DCC: variants seen among roughly 807,000 people sequenced by gnomAD.
DCC encodes DCC netrin 1 receptor.
DCC carries 58 observed loss-of-function variants against 172.5 expected under a neutral mutation model. That is an observed-to-expected ratio of 0.34 (90% CI 0.27 to 0.42). The LOEUF is 0.42. Among genes scored for constraint, DCC ranks in the 10% least tolerant of loss-of-function variants. DCC has a pLI of 1.00. For synonymous variants in DCC, 709 were observed against 644.5 expected (o/e 1.10, Z -1.52); for missense variants, 1,740 against 1,791.0 (o/e 0.97, Z 0.51).
At chr18:52,531,802 G>A (rs1320450298) in intron 1 of DCC, among the ~76,000 whole-genome samples, 3 of 151,920 alleles carry the variant, frequency 2.0e-5, no homozygotes, top group South Asian at 2.1e-4. Context: ...TACTTTCTCC[G>A]AGGCTGAATA....
At chr18:53,505,787 C>T (rs562875230) in intron 27 of DCC, among the ~76,000 whole-genome samples, 4 of 152,140 alleles carry the variant, frequency 2.6e-5, no homozygotes, top group African/African-American at 9.6e-5. Flanking sequence ...AGTGGGTGGC[C>T]GCATGAGTGA....
chr18:52,981,851 TAAAC>T (rs1598995927), intron 5 of DCC, among the ~76,000 whole-genome samples: 1 of 152,044 alleles, frequency 6.6e-6, no homozygotes, highest in African/African-American at 2.4e-5. Flanking sequence ...TAATGAAAAA[TAAAC>T]AGTTATAGAT....
At chr18:52,932,052 G>T (rs1476485406) in intron 5 of DCC, 2 of 152,118 alleles carry the variant, frequency 1.3e-5, no homozygotes, top group African/African-American at 4.8e-5. Context: ...AAGAGGCAGG[G>T]GTGGGAGGAG....
At chr18:53,319,836 A>T (rs745809149) in intron 13 of DCC, among the ~76,000 whole-genome samples, 2 of 149,382 alleles carry the variant, frequency 1.3e-5, no homozygotes, top group Non-Finnish European at 3.0e-5. Flanking sequence ...TTACGGCAAT[A>T]TCTCTTAGTT....
chr18:52,394,948 G>A (rs1283365502), intron 1 of DCC, among the ~76,000 whole-genome samples: 1 of 152,094 alleles, frequency 6.6e-6, no homozygotes, highest in Non-Finnish European at 1.5e-5. Flanking sequence ...CTTTGAGAAA[G>A]AGACTATTTC....
At chr18:52,398,754 C>T (rs1986327409) in intron 1 of DCC, among the ~76,000 whole-genome samples, 1 of 151,900 alleles carries the variant, frequency 6.6e-6, no homozygotes. Context: ...CCATATAAGT[C>T]TGTTTTTCCA....
chr18:52,750,837 C>T (rs1036597542), intron 1 of DCC, among the ~76,000 whole-genome samples: 6 of 151,686 alleles, frequency 4.0e-5, no homozygotes, highest in African/African-American at 9.7e-5. Flanking sequence ...CAAAGTACAA[C>T]GAAAAGTGTT....
chr18:52,963,901 T>C (rs2040886523), intron 5 of DCC, among the ~76,000 whole-genome samples: 1 of 152,006 alleles, frequency 6.6e-6, no homozygotes, highest in Non-Finnish European at 1.5e-5. Flanking sequence ...TAAGAATTGG[T>C]AAGTTCACAA....
intron 2 of DCC, among the ~76,000 whole-genome samples, chr18:52,752,872 C>G (rs1283409482): frequency 2.6e-5 from 4 of 152,160 alleles, no homozygotes; most frequent in Non-Finnish European, 5.9e-5. Context: ...CAGTGCCTGG[C>G]ATGTTTCCCT....
At chr18:53,495,259 G>T (rs1251395899) in intron 26 of DCC, among the ~76,000 whole-genome samples, 1 of 151,944 alleles carries the variant, frequency 6.6e-6, no homozygotes, top group Non-Finnish European at 1.5e-5. Flanking sequence ...GAGCATGGTG[G>T]TGGGCACCTG....
At chr18:52,447,483 G>A (rs1393492791) in intron 1 of DCC, among the ~76,000 whole-genome samples, 1 of 152,190 alleles carries the variant, frequency 6.6e-6, no homozygotes, top group Non-Finnish European at 1.5e-5. Flanking sequence ...CTTGGTGACT[G>A]GAACAGGCTT....
chr18:52,577,492 T>A (rs1291251404), intron 1 of DCC, among the ~76,000 whole-genome samples: 1 of 152,168 alleles, frequency 6.6e-6, no homozygotes, highest in Non-Finnish European at 1.5e-5. Context: ...TCAAGCAGAA[T>A]CCCAAAGTTG....
chr18:52,622,910 C>T (rs967676073), intron 1 of DCC, among the ~76,000 whole-genome samples: 4 of 152,154 alleles, frequency 2.6e-5, no homozygotes, highest in African/African-American at 9.7e-5. Flanking sequence ...CATCTAGCAA[C>T]CTTAGTGACA....
At chr18:53,091,811 A>ATATCTATCTATC (rs750251115) in intron 7 of DCC, among the ~76,000 whole-genome samples, 2 of 141,186 alleles carry the variant, frequency 1.4e-5, no homozygotes, top group South Asian at 2.3e-4. Flanking sequence ...CACTGTACAT[A>ATATCTATCTATC]TATCTATCTA....
chr18:53,196,013 C>T (rs898982704), intron 9 of DCC, among the ~76,000 whole-genome samples: 2 of 152,122 alleles, frequency 1.3e-5, no homozygotes, highest in African/African-American at 4.8e-5. Flanking sequence ...ACTTTAAAAT[C>T]ACGTGGTACT....
intron 12 of DCC, among the ~76,000 whole-genome samples, chr18:53,259,145 G>T (rs1472596178): frequency 6.6e-6 from 1 of 151,938 alleles, no homozygotes; most frequent in African/African-American, 2.4e-5. Context: ...GCATACTGAT[G>T]GGTCTTGACT....
At chr18:53,189,277 G>C (rs2055332504) in intron 9 of DCC, among the ~76,000 whole-genome samples, 1 of 152,048 alleles carries the variant, frequency 6.6e-6, no homozygotes, top group South Asian at 2.1e-4. Context: ...TCAGAGTCCA[G>C]ATATTGGCAT....
intron 1 of DCC, among the ~76,000 whole-genome samples, chr18:52,700,444 A>T (rs2036104874): frequency 6.6e-6 from 1 of 152,050 alleles, no homozygotes; most frequent in Non-Finnish European, 1.5e-5. Flanking sequence ...TCTTCCCTCC[A>T]TGATGTCCAA....
intron 27 of DCC, among the ~76,000 whole-genome samples, chr18:53,520,260 C>A (rs1444600807): frequency 1.3e-5 from 2 of 152,036 alleles, no homozygotes; most frequent in African/African-American, 4.8e-5. Flanking sequence ...GATGAGAGGC[C>A]GCAATATGGT....
Sources: gnomAD v4.1 joint callset for allele counts (sites outside exome capture counted in the v4.1 genomes callset) on GRCh38, gnomAD v4.1.1 for gene constraint, MANE v1.5 for transcripts, NCBI Gene and HGNC (gene_info 2026-07-23, HGNC 2026-07-21) for gene names.